MARCHF1: variants seen among roughly 807,000 people sequenced by gnomAD.
The protein encoded by MARCHF1 is membrane associated ring-CH-type finger 1.
A neutral mutation model predicts 54.2 loss-of-function variants in MARCHF1; 40 were observed. The observed-to-expected ratio is 0.74, with a 90% CI of 0.57 to 0.96. The LOEUF is 0.96. Ranked by LOEUF, MARCHF1 falls within the 40% of genes least tolerant of loss-of-function variation. The pLI is 0.00. For synonymous variants in MARCHF1, 236 were observed against 236.3 expected (o/e 1.00, Z 0.01); for missense variants, 586 against 656.5 (o/e 0.89, Z 1.17).
intron 1 of MARCHF1, among the ~76,000 whole-genome samples, chr4:164,266,336 G>A (rs1391109194): frequency 6.6e-6 from 1 of 152,152 alleles, no homozygotes; most frequent in African/African-American, 2.4e-5. Flanking sequence ...AGAATCAAGA[G>A]AGATATCTGA....
intron 4 of MARCHF1, 92 bp from the exon 5 acceptor site, chr4:163,700,955 A>G: frequency 1.2e-6 from 1 of 809,074 alleles, no homozygotes; most frequent in South Asian, 1.5e-5. Flanking sequence ...GCACAAGGAA[A>G]TCTGTGAATG....
At chr4:163,848,842 T>A (rs904589404) in intron 4 of MARCHF1, among the ~76,000 whole-genome samples, 2 of 152,272 alleles carry the variant, frequency 1.3e-5, no homozygotes, top group African/African-American at 4.8e-5. Context: ...ACACAGGTAG[T>A]ATAAATTGCT....
At chr4:163,954,258 CAG>C (rs750374527) in intron 3 of MARCHF1, among the ~76,000 whole-genome samples, 10 of 152,034 alleles carry the variant, frequency 6.6e-5, no homozygotes, top group Non-Finnish European at 1.0e-4. Context: ...CCAAGAAATT[CAG>C]AGTTTGAAAA....
At chr4:164,073,237 A>G (rs1359625106) in intron 2 of MARCHF1, among the ~76,000 whole-genome samples, 1 of 152,196 alleles carries the variant, frequency 6.6e-6, no homozygotes, top group African/African-American at 2.4e-5. Flanking sequence ...AAAGACTTAG[A>G]ACCAACCCAA....
At chr4:164,107,561 C>G (rs2111173885) in intron 2 of MARCHF1, among the ~76,000 whole-genome samples, 1 of 152,162 alleles carries the variant, frequency 6.6e-6, no homozygotes, top group East Asian at 1.9e-4. Flanking sequence ...CAGGGTTTCA[C>G]CATGTTGCCC....
Position 163,528,042 on chromosome 4 carries a change from A to T in MARCHF1, c.*706T>A, listed in dbSNP as rs1738195311. The T allele has an allele frequency of 6.6e-6, 1 of 152,446 alleles. No homozygotes were observed. Among genetic ancestry groups the T allele is most frequent in the Admixed American group, 6.6e-5 (1 of 15,246 alleles). 9.4% of individuals were successfully genotyped at this position (152,446 alleles called of 1,614,324 possible). A position where few individuals can be genotyped will look rare whatever the true frequency, so the allele number is the denominator to read the frequency against. On this transcript the variant is annotated 3_prime_UTR_variant, in exon 10 of 10. Coordinates refer to ENST00000514618, the MANE Select transcript of MARCHF1 (RefSeq NM_001394959.1). ...CAGATGAAAATAAATATAAGACCTG[A>T]TAACAGTTCTGTGGGTATTTAACAG...
At chr4:163,529,217 T>C (rs181490362) in intron 9 of MARCHF1, among the ~76,000 whole-genome samples, 171 bp from the exon 10 acceptor site, 1 of 152,166 alleles carries the variant, frequency 6.6e-6, no homozygotes, top group African/African-American at 2.4e-5. Flanking sequence ...ATTGGCGTAA[T>C]TCCTTTTGAG....
chr4:163,952,192 G>T (rs1345528332), intron 3 of MARCHF1, among the ~76,000 whole-genome samples: 1 of 152,062 alleles, frequency 6.6e-6, no homozygotes, highest in Non-Finnish European at 1.5e-5. Context: ...AATCAAAGTC[G>T]AACACTGTTG....
intron 4 of MARCHF1, among the ~76,000 whole-genome samples, chr4:163,732,547 A>T (rs1240591954): frequency 6.6e-6 from 1 of 152,174 alleles, no homozygotes; most frequent in Admixed American, 6.5e-5. Flanking sequence ...ACATGAAGAA[A>T]ATATACCAAG....
chr4:163,838,006 G>C (rs1023941898), intron 4 of MARCHF1, among the ~76,000 whole-genome samples: 1 of 152,078 alleles, frequency 6.6e-6, no homozygotes, highest in African/African-American at 2.4e-5. Context: ...TCTAAGATGG[G>C]TCAAAAAATC....
At chr4:164,254,795 G>T (rs746126266) in intron 1 of MARCHF1, among the ~76,000 whole-genome samples, 1 of 152,074 alleles carries the variant, frequency 6.6e-6, no homozygotes, top group African/African-American at 2.4e-5. Context: ...CTTTATATTC[G>T]CTGGAAGCTG....
Position 163,528,033 on chromosome 4 carries a change from T to TAAG in MARCHF1, c.*712_*714dup, listed in dbSNP as rs777445757. On this transcript the variant is annotated 3_prime_UTR_variant, in exon 10 of 10. Coordinates refer to ENST00000514618, the MANE Select transcript of MARCHF1 (RefSeq NM_001394959.1). ...TAGAGGAACCAGATGAAAATAAATATAAGACCTGATAACAGTTCTGTGGGT... is the reference window on the plus strand; with the variant it reads ...TAGAGGAACCAGATGAAAATAAATATAAGAAGACCTGATAACAGTTCTGTGGGT... 6.7e-4 allele frequency: 102 copies of TAAG among 152,614 alleles called. No individual in the cohort carries two copies. Among genetic ancestry groups the TAAG allele is most frequent in the Middle Eastern group, 3.4e-3 (1 of 294 alleles). 9.5% of individuals were successfully genotyped at this position (152,614 alleles called of 1,614,324 possible).
intron 1 of MARCHF1, among the ~76,000 whole-genome samples, chr4:164,231,721 T>A (rs1427277751): frequency 6.6e-6 from 1 of 152,106 alleles, no homozygotes; most frequent in Non-Finnish European, 1.5e-5. Flanking sequence ...AAATTATACA[T>A]AAATAACCAA....
intron 1 of MARCHF1, among the ~76,000 whole-genome samples, chr4:164,232,701 A>T (rs1398055638): frequency 6.6e-6 from 1 of 152,152 alleles, no homozygotes; most frequent in East Asian, 1.9e-4. Flanking sequence ...TCATATCAAA[A>T]ATGCTTTATG....
intron 1 of MARCHF1, among the ~76,000 whole-genome samples, chr4:164,330,353 T>A (rs1735403054): frequency 1.3e-5 from 2 of 152,098 alleles, no homozygotes; most frequent in Admixed American, 1.3e-4. Flanking sequence ...ATGTACAGGA[T>A]GGAGTTAGGA....
intron 8 of MARCHF1, among the ~76,000 whole-genome samples, chr4:163,578,518 C>T (rs1212038743): frequency 1.3e-5 from 2 of 152,100 alleles, no homozygotes; most frequent in Non-Finnish European, 2.9e-5. Flanking sequence ...CAATTCTCTC[C>T]CCAGTAGTGT....
chr4:164,162,602 C>T (rs758772377), intron 1 of MARCHF1, among the ~76,000 whole-genome samples: 3 of 152,106 alleles, frequency 2.0e-5, no homozygotes, highest in Non-Finnish European at 4.4e-5. Context: ...CCCTACATGT[C>T]ATCCTTTTAG....
At chr4:163,632,341 C>T (rs930180217) in intron 5 of MARCHF1, among the ~76,000 whole-genome samples, 3 of 152,162 alleles carry the variant, frequency 2.0e-5, no homozygotes, top group Non-Finnish European at 4.4e-5. Flanking sequence ...GTACCGGGTT[C>T]ATCTCACTAG....
chr4:164,290,700 T>A (rs1230660349), intron 1 of MARCHF1, among the ~76,000 whole-genome samples: 1 of 151,978 alleles, frequency 6.6e-6, no homozygotes, highest in Non-Finnish European at 1.5e-5. Context: ...AAGAGGGAAA[T>A]ACTTTCAAAT....
Sources: allele counts gnomAD v4.1 joint callset (sites outside exome capture counted in the v4.1 genomes callset), GRCh38; gene constraint gnomAD v4.1.1; transcripts MANE v1.5; gene names NCBI Gene and HGNC (gene_info 2026-07-23, HGNC 2026-07-21).